The following TARP variants were observed in gnomAD, a reference collection of about 807,000 sequenced individuals.
the TARP span, among the ~76,000 whole-genome samples, chr7:38,269,223 C>T: frequency 2.0e-5 from 3 of 151,660 alleles, no homozygotes; most frequent in African/African-American, 7.3e-5. Flanking sequence ...CAGGGCCAGA[C>T]ATTTTAATGA....
At chr7:38,266,841 G>GA in the TARP span, among the ~76,000 whole-genome samples, 1 of 151,724 alleles carries the variant, frequency 6.6e-6, no homozygotes, top group African/African-American at 2.4e-5. Flanking sequence ...CCTGAATTTA[G>GA]AAACAAAATG....
chr7:38,260,263 AT>A, the TARP span: 1 of 1,219,242 alleles, frequency 8.2e-7, no homozygotes, highest in Non-Finnish European at 1.1e-6. Flanking sequence ...TTTTTACAGA[AT>A]AAGATACATT....
At chr7:38,268,298 G>T in the TARP span, among the ~76,000 whole-genome samples, 3 of 151,192 alleles carry the variant, frequency 2.0e-5, no homozygotes, top group Admixed American at 1.3e-4. Flanking sequence ...TGCCTAAGTT[G>T]TTTGTAGTTT....
At chr7:38,271,612 AG>A in the TARP span, among the ~76,000 whole-genome samples, 1 of 151,404 alleles carries the variant, frequency 6.6e-6, no homozygotes, top group Non-Finnish European at 1.5e-5. Flanking sequence ...ATGTCTCTGT[AG>A]TTTTTACTTC....
the TARP span, among the ~76,000 whole-genome samples, chr7:38,272,484 T>C: frequency 7.1e-6 from 1 of 141,294 alleles, no homozygotes; most frequent in Admixed American, 7.6e-5. Flanking sequence ...AAAAGCCAGA[T>C]CTATTATTGT....
chr7:38,273,600 C>T, the TARP span: 1 of 1,597,952 alleles, frequency 6.3e-7, no homozygotes, highest in African/African-American at 1.3e-5. Context: ...TAATGATAAG[C>T]TTTGTTCCGG....
chr7:38,263,208 C>G, the TARP span, among the ~76,000 whole-genome samples: 16,671 of 136,526 alleles, frequency 0.12, 1 homozygote, highest in African/African-American at 0.24. Flanking sequence ...TTAAATGCTT[C>G]CCATGCATTT....
chr7:38,271,604 GTC>G, the TARP span, among the ~76,000 whole-genome samples: 1 of 151,354 alleles, frequency 6.6e-6, no homozygotes, highest in Non-Finnish European at 1.5e-5. Flanking sequence ...TTGGGGTAAT[GTC>G]TCTGTAGTTT....
At chr7:38,273,625 A>C in the TARP span, 2 of 1,597,990 alleles carry the variant, frequency 1.3e-6, no homozygotes, top group Non-Finnish European at 1.7e-6. Flanking sequence ...AAATACCTTG[A>C]TTTTTTTGCC....
At chr7:38,270,411 C>T in the TARP span, among the ~76,000 whole-genome samples, 3 of 151,444 alleles carry the variant, frequency 2.0e-5, no homozygotes, top group Non-Finnish European at 4.4e-5. Flanking sequence ...TTATCCTTTG[C>T]CTTACCTACC....
chr7:38,270,532 G>T, the TARP span, among the ~76,000 whole-genome samples: 1 of 151,594 alleles, frequency 6.6e-6, no homozygotes, highest in Non-Finnish European at 1.5e-5. Context: ...CTAATCAGCA[G>T]CACAACTTAT....
chr7:38,268,815 G>A, the TARP span, among the ~76,000 whole-genome samples: 1 of 151,420 alleles, frequency 6.6e-6, no homozygotes, highest in Non-Finnish European at 1.5e-5. Context: ...TGAATCCTCT[G>A]GAGAATTGCT....
chr7:38,264,220 G>A, the TARP span, among the ~76,000 whole-genome samples: 1 of 151,728 alleles, frequency 6.6e-6, no homozygotes, highest in African/African-American at 2.4e-5. Context: ...CCAAGAAAGA[G>A]CATTAGAAAT....
At chr7:38,260,239 A>T in the TARP span, 1 of 1,524,422 alleles carries the variant, frequency 6.6e-7, no homozygotes, top group Non-Finnish European at 8.9e-7. Flanking sequence ...ATCTAAGAGA[A>T]ATTGCACATG....
chr7:38,262,847 C>A, the TARP span, among the ~76,000 whole-genome samples: 82 of 151,406 alleles, frequency 5.4e-4, no homozygotes, highest in African/African-American at 1.9e-3. Flanking sequence ...TTTGTAGAGA[C>A]AGGGTTTCGC....
At chr7:38,273,054 A>T in the TARP span, among the ~76,000 whole-genome samples, 202 of 151,320 alleles carry the variant, frequency 1.3e-3, no homozygotes, top group Non-Finnish European at 2.1e-3. Flanking sequence ...GCAAAATTAC[A>T]TCTTTAAACT....
At chr7:38,273,567 A>C in the TARP span, 2 of 1,590,774 alleles carry the variant, frequency 1.3e-6, no homozygotes, top group Admixed American at 1.7e-5. Flanking sequence ...TTTACATTGC[A>C]AAATTTAAAG....
chr7:38,268,627 T>C, the TARP span, among the ~76,000 whole-genome samples: 1 of 151,314 alleles, frequency 6.6e-6, no homozygotes, highest in Admixed American at 6.6e-5. Context: ...TGATATCAAT[T>C]AAGATAAAGG....
the TARP span, among the ~76,000 whole-genome samples, chr7:38,272,255 G>A: frequency 1.3e-3 from 201 of 150,560 alleles, no homozygotes; most frequent in African/African-American, 4.8e-3. Flanking sequence ...AATTCTAGAA[G>A]AGGAAATAAT....
Sources: gnomAD v4.1 joint callset for allele counts (sites outside exome capture counted in the v4.1 genomes callset) on GRCh38, gnomAD v4.1.1 for gene constraint, MANE v1.5 for transcripts.